Variants in ARHGEF26 observed in about 807,000 individuals in gnomAD.
The protein encoded by ARHGEF26 is Rho guanine nucleotide exchange factor (GEF) 26.
In ARHGEF26, 59 loss-of-function variants were observed where a neutral mutation model predicts 89.4. The observed-to-expected ratio is 0.66, with a 90% CI of 0.54 to 0.82. The LOEUF is 0.82. Among genes scored for constraint, ARHGEF26 ranks in the 40% least tolerant of loss-of-function variants. The pLI is 0.00. For synonymous variants in ARHGEF26, 500 were observed against 428.4 expected (o/e 1.17, Z -2.06); for missense variants, 1,234 against 1,085.6 (o/e 1.14, Z -1.92).
At chr3:154,213,192 C>T (rs1018216021) in intron 9 of ARHGEF26, among the ~76,000 whole-genome samples, 10 of 138,796 alleles carry the variant, frequency 7.2e-5, no homozygotes, top group South Asian at 5.0e-4. Flanking sequence ...CATTTCTTTA[C>T]GAGTAACATA....
chr3:154,256,573 A>C lies in ARHGEF26; in HGVS notation c.*1100A>C. 4.2e-6 allele frequency: 4 copies of C among 942,862 alleles called. No individual in the cohort carries two copies. Among genetic ancestry groups the C allele is most frequent in the Non-Finnish European group, 5.1e-6 (4 of 790,940 alleles). The allele number at this position is 942,862 out of a possible 1,614,324, so 58.4% of individuals were successfully genotyped here. ...TAAAAAAAAAAAAAAAAAAAAAAAA[A>C]AACCTTCCCAAATGAGCTGATAAAA... On this transcript the variant is annotated 3_prime_UTR_variant, in exon 15 of 15. Coordinates refer to ENST00000465093, the MANE Select transcript of ARHGEF26 (RefSeq NM_015595.4).
intron 3 of ARHGEF26, among the ~76,000 whole-genome samples, chr3:154,126,664 C>T (rs1429427076): frequency 6.6e-6 from 1 of 152,154 alleles, no homozygotes; most frequent in South Asian, 2.1e-4. Flanking sequence ...TTTACCATTG[C>T]CTACAAATAT....
At chr3:154,131,623 A>T (rs1200244084) in intron 4 of ARHGEF26, among the ~76,000 whole-genome samples, 1 of 152,178 alleles carries the variant, frequency 6.6e-6, no homozygotes, top group Admixed American at 6.5e-5. Context: ...CATTTGGTAG[A>T]GGATCCAGGA....
intron 11 of ARHGEF26, among the ~76,000 whole-genome samples, chr3:154,226,697 C>CACACACACACACACACACACACA (rs1559912631): frequency 4.2e-5 from 5 of 119,780 alleles, no homozygotes; most frequent in African/African-American, 1.4e-4. Context: ...ACACACACAC[C>CACACACACACACACACACACACA]CCTTCAGCTC....
intron 12 of ARHGEF26, among the ~76,000 whole-genome samples, chr3:154,245,070 G>A (rs1016302649): frequency 2.6e-4 from 40 of 152,176 alleles, no homozygotes; most frequent in East Asian, 9.7e-4. Context: ...CTCTGTCGCC[G>A]GGGCTGGAGT....
At chr3:154,197,081 A>G (rs1714339290) in intron 9 of ARHGEF26, among the ~76,000 whole-genome samples, 1 of 152,186 alleles carries the variant, frequency 6.6e-6, no homozygotes, top group African/African-American at 2.4e-5. Context: ...GCAAAAATGT[A>G]ATAGACCAGT....
rs953755074 is a variant in ARHGEF26, at chr3:154,256,647, T to C, written c.*1174T>C. On this transcript the variant is annotated 3_prime_UTR_variant, in exon 15 of 15. Transcript: ENST00000465093. ...TTCAATAATACCTAGTTTTCAGCTG[T>C]TCCAACTCGTTTCCAAATAGAAATT... The C allele has an allele frequency of 2.5e-6, 3 of 1,183,494 alleles. No homozygotes were observed. The highest frequency in any genetic ancestry group is 3.1e-6 in the Non-Finnish European group (3 of 959,368). The allele number at this position is 1,183,494 out of a possible 1,614,324, so 73.3% of individuals were successfully genotyped here.
intron 3 of ARHGEF26, among the ~76,000 whole-genome samples, chr3:154,126,885 A>G (rs1576677485): frequency 6.6e-6 from 1 of 152,208 alleles, no homozygotes; most frequent in Non-Finnish European, 1.5e-5. Flanking sequence ...TAAACAAACC[A>G]GATGGTATAG....
intron 6 of ARHGEF26, among the ~76,000 whole-genome samples, chr3:154,174,441 T>C (rs544149365): frequency 3.9e-4 from 59 of 152,346 alleles, no homozygotes; most frequent in African/African-American, 1.3e-3. Context: ...ATACAATGGC[T>C]GGGGCTTGTG....
intron 4 of ARHGEF26, among the ~76,000 whole-genome samples, chr3:154,142,022 A>T (rs928323428): frequency 7.9e-5 from 12 of 152,188 alleles, no homozygotes; most frequent in Non-Finnish European, 1.2e-4. Flanking sequence ...AATAGAAATG[A>T]AATGTCTGAA....
intron 11 of ARHGEF26, among the ~76,000 whole-genome samples, chr3:154,233,617 A>G (rs893148463): frequency 6.6e-6 from 1 of 152,242 alleles, no homozygotes; most frequent in Non-Finnish European, 1.5e-5. Flanking sequence ...CTAGAAGAGG[A>G]TCTTGGAGAG....
intron 4 of ARHGEF26, among the ~76,000 whole-genome samples, chr3:154,140,945 A>T (rs570243128): frequency 6.8e-6 from 1 of 146,948 alleles, no homozygotes; most frequent in East Asian, 2.0e-4. Context: ...CCTTCCCTCA[A>T]GTCACTCTTT....
chr3:154,155,302 T>G (rs952732719), intron 6 of ARHGEF26, among the ~76,000 whole-genome samples: 2 of 151,990 alleles, frequency 1.3e-5, no homozygotes, highest in African/African-American at 4.8e-5. Context: ...TAACATTACA[T>G]CAACAAAAGT....
At chr3:154,201,347 G>C (rs1488086667) in intron 9 of ARHGEF26, among the ~76,000 whole-genome samples, 1 of 152,038 alleles carries the variant, frequency 6.6e-6, no homozygotes, top group Non-Finnish European at 1.5e-5. Context: ...CATTTTTTAT[G>C]GCTGCATGGT....
intron 6 of ARHGEF26, among the ~76,000 whole-genome samples, chr3:154,161,624 G>A (rs1036061035): frequency 5.3e-5 from 8 of 152,206 alleles, no homozygotes; most frequent in African/African-American, 1.9e-4. Flanking sequence ...TAAAGAATAG[G>A]TCTTGTTTTA....
At chr3:154,241,382 G>C (rs1717473649) in intron 12 of ARHGEF26, among the ~76,000 whole-genome samples, 1 of 152,174 alleles carries the variant, frequency 6.6e-6, no homozygotes, top group Admixed American at 6.5e-5. Context: ...ATGTCTGCCA[G>C]GGTTCCTAAA....
Position 154,212,518 on chromosome 3 carries a change from A to T in ARHGEF26, c.1846-5351A>T, listed in dbSNP as rs187057882. On this transcript the variant is annotated intron_variant, in intron 9 of 14. Coordinates refer to ENST00000465093, the MANE Select transcript of ARHGEF26 (RefSeq NM_015595.4). The stretch of plus-strand genomic sequence containing the variant: ...TTCCAATATTAGCATATGACTGTAA[A>T]GGAACACTTAAAAGTGGTCTCCAAC... Among the ~76,000 whole-genome samples, 283 of 150,062 alleles carry T rather than the reference A, an allele frequency of 1.9e-3. 1 individual carries two copies. Among genetic ancestry groups the T allele is most frequent in the Non-Finnish European group, 3.3e-3 (222 of 67,574 alleles).
At chr3:154,128,648 A>G (rs1193581510) in intron 3 of ARHGEF26, among the ~76,000 whole-genome samples, 1 of 152,128 alleles carries the variant, frequency 6.6e-6, no homozygotes, top group Non-Finnish European at 1.5e-5. Flanking sequence ...CTCATGCCCC[A>G]GGGCTTTGCA....
intron 13 of ARHGEF26, among the ~76,000 whole-genome samples, chr3:154,253,485 T>C (rs1393312144): frequency 1.3e-5 from 2 of 152,192 alleles, no homozygotes; most frequent in African/African-American, 2.4e-5. Flanking sequence ...ATTGTGAAGA[T>C]TAAGTTAAAT....
Sources: gnomAD v4.1 joint callset for allele counts (sites outside exome capture counted in the v4.1 genomes callset) on GRCh38, gnomAD v4.1.1 for gene constraint, MANE v1.5 for transcripts, NCBI Gene and HGNC (gene_info 2026-07-23, HGNC 2026-07-21) for gene names.